KREMEN1: variants seen among roughly 807,000 people sequenced by gnomAD.
KREMEN1 encodes the protein kringle containing transmembrane protein 1, also known as kremen protein 1.
KREMEN1 carries 30 observed loss-of-function variants against 46.5 expected under a neutral mutation model. The observed-to-expected ratio is 0.65, with a 90% CI of 0.48 to 0.88. The LOEUF is 0.88. Among genes scored for constraint, KREMEN1 ranks in the 40% least tolerant of loss-of-function variants. The probability of loss-of-function intolerance (pLI) is 0.00; values close to 1 mark genes in which losing one functional copy is unlikely to be tolerated. For missense variants in KREMEN1, 533 were observed against 596.9 expected, an observed-to-expected ratio of 0.89 and a Z score of 1.11; for synonymous variants, 214 against 230.6, an observed-to-expected ratio of 0.93 and a Z score of 0.65.
intron 3 of KREMEN1, among the ~76,000 whole-genome samples, chr22:29,113,168 C>G (rs5762990): frequency 6.6e-6 from 1 of 152,204 alleles, no homozygotes; most frequent in Non-Finnish European, 1.5e-5. Context: ...AATCCTGGAG[C>G]TTACCCTGGC....
At chr22:29,165,616 T>C (rs1393017144) in intron 9 of KREMEN1, among the ~76,000 whole-genome samples, 1 of 152,058 alleles carries the variant, frequency 6.6e-6, no homozygotes, top group African/African-American at 2.4e-5. Flanking sequence ...GTAATAATTT[T>C]CCCCCTACTC....
chr22:29,159,547 A>C (rs1246566558), intron 9 of KREMEN1, among the ~76,000 whole-genome samples: 1 of 152,184 alleles, frequency 6.6e-6, no homozygotes, highest in Non-Finnish European at 1.5e-5. Flanking sequence ...TGAACCCAGG[A>C]GACGGAGGTT....
At chr22:29,163,967 G>T (rs1002136808) in intron 9 of KREMEN1, among the ~76,000 whole-genome samples, 2 of 152,022 alleles carry the variant, frequency 1.3e-5, no homozygotes, top group Non-Finnish European at 2.9e-5. Context: ...GCCCAGGCTG[G>T]AGTGCAGGGC....
In KREMEN1 at chr22:29,125,078, G is replaced by C. The variant is rs529926749; in HGVS notation, c.478-185G>C. The C allele has an allele frequency of 6.3e-6, 4 of 634,934 alleles. No individual in the cohort carries two copies. The East Asian group carries it at 1.0e-4, about 16-fold the overall frequency. The allele number at this position is 634,934 out of a possible 1,614,324, so 39.3% of individuals were successfully genotyped here. On this transcript the variant is annotated intron_variant, in intron 4 of 8. Coordinates refer to ENST00000400335, the MANE Select transcript of KREMEN1 (RefSeq NM_001039570.3). ...TCGCCGACAGGGAAACACATTGGTG[G>C]TTGCGTACTTATTGTTCAGCTTGAA...
chr22:29,120,165 A>AAC (rs61353623), intron 3 of KREMEN1, among the ~76,000 whole-genome samples: 11 of 28,756 alleles, frequency 3.8e-4, no homozygotes, highest in East Asian at 3.3e-3. Flanking sequence ...TGATGAAGGA[A>AAC]ATGGAGGAGG....
chr22:29,160,916 C>T (rs1362677584), intron 9 of KREMEN1, among the ~76,000 whole-genome samples: 1 of 152,030 alleles, frequency 6.6e-6, no homozygotes, highest in African/African-American at 2.4e-5. Context: ...AAAATTCATA[C>T]AAAGAATCAG....
intron 1 of KREMEN1, among the ~76,000 whole-genome samples, chr22:29,074,655 C>T (rs1406630632): frequency 6.6e-6 from 1 of 152,238 alleles, no homozygotes; most frequent in Non-Finnish European, 1.5e-5. Context: ...GGGTTCTCCA[C>T]CCAAAGTCAC....
chr22:29,114,954 A>T (rs1022778153), intron 3 of KREMEN1, among the ~76,000 whole-genome samples: 4 of 152,222 alleles, frequency 2.6e-5, no homozygotes, highest in African/African-American at 7.2e-5. Flanking sequence ...AAACTCAATT[A>T]TCTAGAATGA....
At chr22:29,091,165 G>C (rs533261900) in intron 1 of KREMEN1, among the ~76,000 whole-genome samples, 1 of 152,150 alleles carries the variant, frequency 6.6e-6, no homozygotes, top group African/African-American at 2.4e-5. Context: ...TAGAGACGGC[G>C]TTTCTCCATG....
At chr22:29,081,613 T>A (rs1274054052) in intron 1 of KREMEN1, among the ~76,000 whole-genome samples, 1 of 152,140 alleles carries the variant, frequency 6.6e-6, no homozygotes, top group African/African-American at 2.4e-5. Flanking sequence ...TTCTTATTGC[T>A]CCAAGTGACC....
downstream of KREMEN1, among the ~76,000 whole-genome samples, chr22:29,150,998 T>A (rs2038910849): frequency 6.6e-6 from 1 of 152,158 alleles, no homozygotes; most frequent in Non-Finnish European, 1.5e-5. Flanking sequence ...AGGCAGTGGG[T>A]GGGCCCCCAA....
Position 29,145,157 on chromosome 22 carries a change from G to A in KREMEN1, c.*3045G>A. The A allele has an allele frequency of 1.0e-6, 1 of 986,046 alleles. No individual in the cohort carries two copies. Among genetic ancestry groups the A allele is most frequent in the Non-Finnish European group, 1.2e-6 (1 of 830,222 alleles). The allele number at this position is 986,046 out of a possible 1,614,324, so 61.1% of individuals were successfully genotyped here. ...GGCCACTGCGGCTAGGTAAACACCTGAGAAAGAAACTGCTCCAGAAGAGAT... is the reference window on the plus strand; with the variant it reads ...GGCCACTGCGGCTAGGTAAACACCTAAGAAAGAAACTGCTCCAGAAGAGAT... On this transcript the variant is annotated 3_prime_UTR_variant, in exon 9 of 9. Transcript: ENST00000400335.
intron 1 of KREMEN1, among the ~76,000 whole-genome samples, chr22:29,081,736 T>C (rs905998275): frequency 1.3e-5 from 2 of 152,220 alleles, no homozygotes; most frequent in Non-Finnish European, 2.9e-5. Context: ...GTCATATTTT[T>C]ATGTTGGGAC....
In KREMEN1 at chr22:29,146,048, G is replaced by A. The variant is rs115500841; in HGVS notation, c.*3936G>A. On this transcript the variant is annotated 3_prime_UTR_variant, in exon 9 of 9. Transcript: ENST00000400335. ...AAGCACTTATACGCGGATGGCCTCC[G>A]AGACCCTGCCTCCCTGGTCTGCTGA... 5.7e-4 allele frequency: 560 copies of A among 985,886 alleles called. 3 individuals carry two copies. In the African/African-American group the frequency reaches 9.2e-3, roughly 16 times the overall value. 61.1% of individuals were successfully genotyped at this position (985,886 alleles called of 1,614,324 possible).
intron 2 of KREMEN1, among the ~76,000 whole-genome samples, chr22:29,095,638 A>G (rs1432749692): frequency 2.6e-5 from 4 of 152,210 alleles, no homozygotes; most frequent in East Asian, 1.9e-4. Context: ...GGCACTGTTG[A>G]CGCAGCTGAG....
In KREMEN1 at chr22:29,090,217, G is replaced by A. The variant is rs137955721; in HGVS notation, c.98-4041G>A. Among the ~76,000 whole-genome samples the A allele has an allele frequency of 3.0e-3, 454 of 152,328 alleles. 1 individual carries two copies. Among genetic ancestry groups the A allele is most frequent in the African/African-American group, 9.5e-3 (394 of 41,570 alleles). ...TTTTCACTGAATACGTAAATAAACA[G>A]TTGGCTCTGTGTGTGTGTGTTTCTT... On this transcript the variant is annotated intron_variant, in intron 1 of 8. Transcript: ENST00000400335.
rs147727103 is a variant in KREMEN1, at chr22:29,143,173, C to CA, written c.*1069dup. 4.0e-3 allele frequency: 3,928 copies of CA among 984,116 alleles called. 100 individuals carry two copies. The African/African-American group carries it at 0.059, about 15-fold the overall frequency. The allele number at this position is 984,116 out of a possible 1,614,324, so 61.0% of individuals were successfully genotyped here. ...CTCAAAAAAACAAAACACAAATAAACAAAAAAAATCCATTCATTTACTCAT... is the reference window on the plus strand; with the variant it reads ...CTCAAAAAAACAAAACACAAATAAACAAAAAAAAATCCATTCATTTACTCAT... On this transcript the variant is annotated 3_prime_UTR_variant, in exon 9 of 9. Coordinates refer to ENST00000400335, the MANE Select transcript of KREMEN1 (RefSeq NM_001039570.3).
At chr22:29,158,198 A>T (rs1159515408) in intron 9 of KREMEN1, among the ~76,000 whole-genome samples, 2 of 152,180 alleles carry the variant, frequency 1.3e-5, no homozygotes, top group Non-Finnish European at 2.9e-5. Flanking sequence ...CGGGGTACCA[A>T]TTTGCAATCT....
downstream of KREMEN1, among the ~76,000 whole-genome samples, chr22:29,149,088 A>C (rs971535492): frequency 6.6e-6 from 1 of 151,068 alleles, no homozygotes; most frequent in Non-Finnish European, 1.5e-5. Context: ...TCACTTCACC[A>C]CTGTCCCCTC....
Sources: allele counts gnomAD v4.1 joint callset (sites outside exome capture counted in the v4.1 genomes callset), GRCh38; gene constraint gnomAD v4.1.1; transcripts MANE v1.5; gene names NCBI Gene and HGNC (gene_info 2026-07-23, HGNC 2026-07-21).